USP32: variants seen among roughly 807,000 people sequenced by gnomAD.
USP32 encodes the protein ubiquitin specific peptidase 32.
Under a neutral mutation model 204.8 loss-of-function variants are expected in USP32, and 59 were observed. The observed-to-expected ratio is 0.29, with a 90% CI of 0.23 to 0.36. USP32 has a LOEUF of 0.36. USP32 is among the 10% of genes least tolerant of loss of function. The pLI is 1.00. For missense variants in USP32, 1,160 were observed against 1,946.4 expected (o/e 0.60, Z 7.60); for synonymous variants, 517 against 678.4 (o/e 0.76, Z 3.70).
chr17:60,317,316 C>A (rs955703111), intron 2 of USP32, among the ~76,000 whole-genome samples: 3 of 151,820 alleles, frequency 2.0e-5, no homozygotes, highest in African/African-American at 7.3e-5. Context: ...GAGTTTGAGA[C>A]CAGCCTGGGC....
intron 1 of USP32, among the ~76,000 whole-genome samples, chr17:60,357,490 C>G (rs573523643): frequency 6.6e-6 from 1 of 151,426 alleles, no homozygotes; most frequent in South Asian, 2.1e-4. Flanking sequence ...ATATGTAGAC[C>G]AAGCAAGCAA....
chr17:60,422,228 T>C (rs542909852), intron 1 of USP32: 6 of 309,982 alleles, frequency 1.9e-5, no homozygotes, highest in South Asian at 1.8e-4. Flanking sequence ...TGCAGGAAAA[T>C]GAGTTCAACA....
At chr17:60,388,472 T>C (rs1275065260) in intron 1 of USP32, among the ~76,000 whole-genome samples, 2 of 152,196 alleles carry the variant, frequency 1.3e-5, no homozygotes, top group African/African-American at 4.8e-5. Context: ...CGAACGGTTT[T>C]TGAATGCTGT....
chr17:60,370,691 G>A (rs903817315), intron 1 of USP32, among the ~76,000 whole-genome samples: 1 of 150,958 alleles, frequency 6.6e-6, no homozygotes, highest in South Asian at 2.1e-4. Context: ...AAGCCCGAGA[G>A]GTCGAGGCTA....
At chr17:60,211,187 G>A in intron 20 of USP32, 69 bp from the exon 21 acceptor site, 3 of 1,576,746 alleles carry the variant, frequency 1.9e-6, no homozygotes, top group Non-Finnish European at 2.6e-6. Flanking sequence ...GCGCAAAAAT[G>A]CCTAGCATCT....
At chr17:60,270,850 C>T (rs1215633720) in intron 6 of USP32, among the ~76,000 whole-genome samples, 1 of 150,898 alleles carries the variant, frequency 6.6e-6, no homozygotes, top group African/African-American at 2.4e-5. Flanking sequence ...AAAGTAACAG[C>T]ACTAAGTTTA....
chr17:60,225,443 C>T (rs1273851268), intron 13 of USP32, among the ~76,000 whole-genome samples: 1 of 151,714 alleles, frequency 6.6e-6, no homozygotes, highest in Non-Finnish European at 1.5e-5. Flanking sequence ...GGTGACAGAG[C>T]GAGATCCTGT....
intron 1 of USP32, among the ~76,000 whole-genome samples, chr17:60,364,461 C>A (rs548238966): frequency 6.6e-6 from 1 of 152,338 alleles, no homozygotes; most frequent in South Asian, 2.1e-4. Flanking sequence ...CTCACCGCAA[C>A]CTTTGCCTCC....
Position 60,226,175 on chromosome 17 carries a change from T to G in USP32, c.1296A>C (p.Ser432=), listed in dbSNP as rs762943381. ...CCATAGGATGGGCTGCAGTTCCAAA[T>G]GAGTATTTTCCTCCATTCAAAACAG... The part of the protein sequence containing the change: ...PSSVLNGGKY[S]FGTAAHPMEQ... The change falls in exon 13 of 34, where the codon TCA becomes TCC. Residue 432 remains serine, a synonymous_variant. Transcript: ENST00000300896. The G allele has an allele frequency of 1.3e-6, 2 of 1,593,666 alleles. No individual in the cohort carries two copies. The highest frequency in any genetic ancestry group is 2.3e-5 in the South Asian group (2 of 86,666).
chr17:60,418,312 C>T (rs1311515082), intron 1 of USP32, among the ~76,000 whole-genome samples: 1 of 151,358 alleles, frequency 6.6e-6, no homozygotes, highest in Non-Finnish European at 1.5e-5. Flanking sequence ...AGGCTAGTCT[C>T]AAACTCCTGA....
At chr17:60,417,962 T>C (rs2090075053) in intron 1 of USP32, among the ~76,000 whole-genome samples, 1 of 148,816 alleles carries the variant, frequency 6.7e-6, no homozygotes, top group African/African-American at 2.5e-5. Flanking sequence ...GCTAATCTTT[T>C]TTTTTTTTTT....
intron 5 of USP32, among the ~76,000 whole-genome samples, chr17:60,282,004 T>C (rs1332727368): frequency 6.6e-6 from 1 of 152,162 alleles, no homozygotes; most frequent in Non-Finnish European, 1.5e-5. Flanking sequence ...TTATTTCTCT[T>C]ACAAGAAATA....
chr17:60,421,552 C>G, intron 1 of USP32: 1 of 985,490 alleles, frequency 1.0e-6, no homozygotes, highest in Non-Finnish European at 1.2e-6. Context: ...GAAGGAATTC[C>G]TAGTTTCAGG....
chr17:60,244,209 T>C (rs986415015), intron 11 of USP32, among the ~76,000 whole-genome samples: 3 of 151,730 alleles, frequency 2.0e-5, no homozygotes, highest in Non-Finnish European at 4.4e-5. Flanking sequence ...CTAATTTTTT[T>C]AGTAGAGACC....
chr17:60,181,420 G>A lies in USP32; in HGVS notation c.4452C>T (p.Ser1484=). 1 of 1,613,918 alleles carries A rather than the reference G, an allele frequency of 6.2e-7. No homozygotes were observed. The highest frequency in any genetic ancestry group is 8.5e-7 in the Non-Finnish European group (1 of 1,179,856). ...CACTGTGGTTTCCAAGCTGACCATT[G>A]CTGTAGCCATTGCCACATGCTTCAT... The part of the protein sequence containing the change: ...YEHEACGNGY[S]NGQLGNHSEE... The change falls in exon 32 of 34, where the codon AGC becomes AGT. Residue 1484 remains serine, a synonymous_variant. Coordinates refer to ENST00000300896, the MANE Select transcript of USP32 (RefSeq NM_032582.4).
chr17:60,226,451 G>T (rs1028771790), intron 12 of USP32, among the ~76,000 whole-genome samples: 8 of 152,092 alleles, frequency 5.3e-5, no homozygotes, highest in African/African-American at 1.4e-4. Context: ...GACTGTGAAG[G>T]ATTTTGTGCC....
At chr17:60,213,035 G>C (rs548345764) in intron 18 of USP32, among the ~76,000 whole-genome samples, 1 of 152,338 alleles carries the variant, frequency 6.6e-6, no homozygotes, top group East Asian at 1.9e-4. Context: ...TTACAGGCGT[G>C]AGCCACTGCG....
chr17:60,320,334 T>C (rs2088082474), intron 2 of USP32, among the ~76,000 whole-genome samples: 1 of 152,348 alleles, frequency 6.6e-6, no homozygotes, highest in African/African-American at 2.4e-5. Flanking sequence ...AAGCTGTACA[T>C]ACATTTGAGG....
intron 2 of USP32, chr17:60,305,305 T>C (rs2087695722): frequency 6.6e-6 from 1 of 152,130 alleles, no homozygotes; most frequent in South Asian, 2.1e-4. Flanking sequence ...GCATGTCACA[T>C]GGTGAGAGAG....
Sources: allele counts gnomAD v4.1 joint callset (sites outside exome capture counted in the v4.1 genomes callset), GRCh38; gene constraint gnomAD v4.1.1; transcripts MANE v1.5; gene names NCBI Gene and HGNC (gene_info 2026-07-23, HGNC 2026-07-21).